Variants in KIF3B observed in about 807,000 individuals in gnomAD.
KIF3B encodes the protein kinesin family member 3B.
In KIF3B, 38 loss-of-function variants were observed where a neutral mutation model predicts 74.3. The observed-to-expected ratio is 0.51, with a 90% CI of 0.39 to 0.67. The LOEUF is 0.67. Ranked by LOEUF, KIF3B falls within the 30% of genes least tolerant of loss-of-function variation. The pLI, the probability that KIF3B is intolerant of heterozygous loss-of-function variation, is 0.00. For missense variants in KIF3B, 649 were observed against 932.0 expected, an observed-to-expected ratio of 0.70 and a Z score of 3.95; for synonymous variants, 326 against 342.5, an observed-to-expected ratio of 0.95 and a Z score of 0.53.
chr20:32,316,854 C>A lies in KIF3B; in HGVS notation c.1728C>A (p.Leu576=). Residue 576 remains leucine (L), a synonymous_variant, in exon 5 of 9, where the codon CTC becomes CTA. Coordinates refer to ENST00000375712, the MANE Select transcript of KIF3B (RefSeq NM_004798.4). ...RQELEQTQNE[L]TRELKLKHLI... ...AGCTAGAGCAGACTCAGAATGAGCT[C>A]ACCAGGGAGCTGAAACTCAAGTAAG... 6.2e-7 allele frequency: 1 copy of A among 1,613,590 alleles called. No individual in the cohort carries two copies. The highest frequency in any genetic ancestry group is 8.5e-7 in the Non-Finnish European group (1 of 1,179,598).
intron 2 of KIF3B, among the ~76,000 whole-genome samples, chr20:32,313,314 A>C (rs1030452827): frequency 3.3e-5 from 5 of 152,164 alleles, no homozygotes; most frequent in Admixed American, 1.3e-4. Flanking sequence ...TTCCTTGGAA[A>C]TGTTCAGTTC....
chr20:32,289,354 C>T (rs939627867), intron 1 of KIF3B, among the ~76,000 whole-genome samples: 19 of 152,038 alleles, frequency 1.2e-4, no homozygotes, highest in African/African-American at 3.4e-4. Flanking sequence ...CCACCATGCC[C>T]GGCTAATTTT....
At chr20:32,307,918 CAAA>C (rs574709198) in intron 1 of KIF3B, among the ~76,000 whole-genome samples, 6 of 52,750 alleles carry the variant, frequency 1.1e-4, no homozygotes, top group Admixed American at 4.3e-4. Context: ...GACTCTGTCT[CAAA>C]AAAAAAAAAA....
chr20:32,310,331 A>T lies in KIF3B; in HGVS notation c.554A>T (p.Lys185Met), dbSNP rs2047793363. The T allele has an allele frequency of 6.2e-7, 1 of 1,614,026 alleles. No individual in the cohort carries two copies. Among genetic ancestry groups the T allele is most frequent in the Non-Finnish European group, 8.5e-7 (1 of 1,179,888 alleles). The change falls in exon 2 of 9, where the codon AAG becomes ATG. Residue 185 changes from lysine to methionine, a missense_variant. By Grantham distance (95) the Lys-to-Met change is moderately conservative. Around this residue, in one of 4 missense-constraint regions of KIF3B, gnomAD observed 363 missense variants for 592.8 expected, o/e 0.61. Transcript: ENST00000375712. This position sits in a 1 kb window ranked among gnomAD's most constrained non-coding sequence, Gnocchi z 6.5. ...YVKDLSSFVT[K>M]SVKEIEHVMN... ...AAAGACCTGTCTTCCTTTGTCACCAAGAGTGTGAAGGAGATAGAGCATGTG... is the reference window on the plus strand; with the variant it reads ...AAAGACCTGTCTTCCTTTGTCACCATGAGTGTGAAGGAGATAGAGCATGTG...
chr20:32,322,764 A>ATT (rs2047872036), intron 5 of KIF3B, among the ~76,000 whole-genome samples: 1 of 40,462 alleles, frequency 2.5e-5, no homozygotes, highest in East Asian at 8.5e-3. Flanking sequence ...ATATTTATAT[A>ATT]TATTTATATA....
intron 5 of KIF3B, among the ~76,000 whole-genome samples, chr20:32,324,542 A>G (rs1205401867): frequency 1.3e-5 from 2 of 152,158 alleles, no homozygotes; most frequent in East Asian, 3.8e-4. Flanking sequence ...ATATTTTTCA[A>G]AACTCTGTAG....
rs927250246 is a variant in KIF3B at position 32,333,288 on chromosome 20, C to G, written c.*1969C>G. 3.3e-5 allele frequency: 5 copies of G among 152,116 alleles called. No individual in the cohort carries two copies. Among genetic ancestry groups the G allele is most frequent in the African/African-American group, 4.8e-5 (2 of 41,414 alleles). The allele number at this position is 152,116 out of a possible 1,614,324, so 9.4% of individuals were successfully genotyped here. On this transcript the variant is annotated 3_prime_UTR_variant, in exon 9 of 9. Coordinates refer to ENST00000375712, the MANE Select transcript of KIF3B (RefSeq NM_004798.4). ...CACACCACATTTCCTCAAAGCTAATCTGAATTCTGTAGGCTAAAAATATTC... is the reference window on the plus strand; with the variant it reads ...CACACCACATTTCCTCAAAGCTAATGTGAATTCTGTAGGCTAAAAATATTC...
chr20:32,333,335 A>G lies in KIF3B; in HGVS notation c.*2016A>G, dbSNP rs1372933974. 1 of 152,134 alleles carries G rather than the reference A, an allele frequency of 6.6e-6. No individual in the cohort carries two copies. The highest frequency in any genetic ancestry group is 1.5e-5 in the Non-Finnish European group (1 of 68,036). 9.4% of individuals were successfully genotyped at this position (152,134 alleles called of 1,614,324 possible). A position where few individuals can be genotyped will look rare whatever the true frequency, so the allele number is the denominator to read the frequency against. ...ATTCATGTAGCAAATCTGAGAATTG[A>G]AAACTGCAGATAACCGGCCGGGTAT... On this transcript the variant is annotated 3_prime_UTR_variant, in exon 9 of 9. Transcript: ENST00000375712.
chr20:32,330,468 A>G (rs560718233), intron 8 of KIF3B, 149 bp downstream of exon 8: 2 of 710,734 alleles, frequency 2.8e-6, no homozygotes, highest in African/African-American at 1.8e-5. Flanking sequence ...TTATTCTACA[A>G]ATATTTATGG....
At chr20:32,316,125 C>A in intron 2 of KIF3B, 93 bp from the exon 3 acceptor site, 1 of 792,866 alleles carries the variant, frequency 1.3e-6, no homozygotes, top group South Asian at 1.5e-5. Context: ...TGGCTCAGTC[C>A]TGAGCTCTTT....
intron 8 of KIF3B, 62 bp from the exon 9 acceptor site, chr20:32,331,161 A>T: frequency 8.2e-7 from 1 of 1,214,966 alleles, no homozygotes; most frequent in East Asian, 2.3e-5. Flanking sequence ...TGTTAATGAC[A>T]TCTGATGTGT....
At chr20:32,287,765 G>C (rs6058618) in intron 1 of KIF3B, among the ~76,000 whole-genome samples, 1,692 of 150,944 alleles carry the variant, frequency 0.011, 26 homozygotes, top group African/African-American at 0.039. Flanking sequence ...TTCTCTCTCA[G>C]CCTCTTAAGA....
At chr20:32,289,651 C>T (rs983437983) in intron 1 of KIF3B, among the ~76,000 whole-genome samples, 1 of 152,126 alleles carries the variant, frequency 6.6e-6, no homozygotes, top group Non-Finnish European at 1.5e-5. Flanking sequence ...ACAAGTGATA[C>T]TGATTTTCCA....
At chr20:32,301,925 C>T (rs1335642905) in intron 1 of KIF3B, among the ~76,000 whole-genome samples, 3 of 152,160 alleles carry the variant, frequency 2.0e-5, no homozygotes, top group Non-Finnish European at 2.9e-5. Context: ...CATCTGATTT[C>T]CTCAGCAGAT....
At chr20:32,290,545 C>A (rs1336678522) in intron 1 of KIF3B, among the ~76,000 whole-genome samples, 2 of 151,992 alleles carry the variant, frequency 1.3e-5, no homozygotes, top group Non-Finnish European at 2.9e-5. Context: ...AGAAGCAGCC[C>A]AAATGTCCGT....
At chr20:32,290,497 C>T (rs1309093041) in intron 1 of KIF3B, among the ~76,000 whole-genome samples, 1 of 152,146 alleles carries the variant, frequency 6.6e-6, no homozygotes, top group Non-Finnish European at 1.5e-5. Flanking sequence ...TTTGCTATGG[C>T]CCTCTGCCCA....
Position 32,330,142 on chromosome 20 carries a change from C to G in KIF3B, c.1970C>G (p.Ala657Gly), listed in dbSNP as rs748346418. The G allele has an allele frequency of 1.2e-6, 2 of 1,611,566 alleles. No individual in the cohort carries two copies. The highest frequency in any genetic ancestry group is 2.2e-5 in the South Asian group (2 of 90,832). Residue 657 changes from alanine to glycine, a missense_variant and splice_region_variant, in exon 8 of 9, where the codon GCA becomes GGA. Physicochemically the swap from Ala to Gly is moderately conservative, Grantham distance 60. Transcript: ENST00000375712. The stretch of plus-strand genomic sequence containing the variant: ...CTGGTGATGGCTGTGCTTCTGCAGG[C>G]AGAAAACATTGTGCTGTTAGAGCTG... ...MMIRPEARYR[A>G]ENIVLLELDM...
chr20:32,308,521 G>A (rs926647880), intron 1 of KIF3B, among the ~76,000 whole-genome samples: 1 of 151,984 alleles, frequency 6.6e-6, no homozygotes, highest in East Asian at 1.9e-4. Context: ...AGTGATTCTC[G>A]TGCCACGGCC....
chr20:32,288,499 A>C (rs1298773989), intron 1 of KIF3B, among the ~76,000 whole-genome samples: 3 of 152,156 alleles, frequency 2.0e-5, no homozygotes, highest in African/African-American at 7.2e-5. Context: ...AACAAACAAA[A>C]AATGAACTTT....
Sources: gnomAD v4.1 joint callset for allele counts (sites outside exome capture counted in the v4.1 genomes callset) on GRCh38, gnomAD v4.1.1 for gene constraint, gnomAD v4.1.1 regional missense constraint, Gnocchi (gnomAD v3.1) non-coding constraint, MANE v1.5 for transcripts, NCBI Gene and HGNC (gene_info 2026-07-23, HGNC 2026-07-21) for gene names.